Variants in RBFOX1 observed in about 807,000 individuals in gnomAD.
The protein encoded by RBFOX1 is RNA binding protein fox-1 homolog 1.
Under a neutral mutation model 57.7 loss-of-function variants are expected in RBFOX1, and 8 were observed. The ratio of observed to expected loss-of-function variants is 0.14; its 90% CI spans 0.08 to 0.25. RBFOX1 has a LOEUF of 0.25. Ranked by LOEUF, RBFOX1 falls within the 10% of genes least tolerant of loss-of-function variation. The pLI, the probability that RBFOX1 is intolerant of heterozygous loss-of-function variation, is 1.00. For missense variants in RBFOX1, 611 were observed against 548.5 expected (o/e 1.11, Z -1.14); for synonymous variants, 326 against 222.4 (o/e 1.47, Z -4.15).
chr16:5,430,536 C>G (rs546731326), intron 1 of RBFOX1, among the ~76,000 whole-genome samples: 1 of 152,098 alleles, frequency 6.6e-6, no homozygotes. Flanking sequence ...GAGCATCTTG[C>G]GGCGAGCAAG....
intron 4 of RBFOX1, among the ~76,000 whole-genome samples, chr16:7,399,577 C>G (rs2098203387): frequency 6.6e-6 from 1 of 152,222 alleles, no homozygotes; most frequent in Non-Finnish European, 1.5e-5. Flanking sequence ...CTGGTGGTGT[C>G]TGTCAATACC....
chr16:7,137,076 A>T (rs1227545514), intron 4 of RBFOX1, among the ~76,000 whole-genome samples: 1 of 152,204 alleles, frequency 6.6e-6, no homozygotes, highest in African/African-American at 2.4e-5. Flanking sequence ...TTTCTATTCT[A>T]TAAAGGAGAA....
intron 4 of RBFOX1, among the ~76,000 whole-genome samples, chr16:7,325,830 A>C (rs1055813735): frequency 2.6e-5 from 4 of 152,094 alleles, no homozygotes; most frequent in African/African-American, 9.7e-5. Flanking sequence ...TGGTATTCTA[A>C]ATATTATGTA....
chr16:6,342,149 G>A (rs796409737), intron 2 of RBFOX1, among the ~76,000 whole-genome samples: 24 of 152,150 alleles, frequency 1.6e-4, no homozygotes, highest in African/African-American at 5.3e-4. Context: ...GGGAGTGATG[G>A]TGGTCAATTT....
intron 3 of RBFOX1, among the ~76,000 whole-genome samples, chr16:6,889,019 C>T (rs1567729191): frequency 6.6e-6 from 1 of 152,176 alleles, no homozygotes; most frequent in Non-Finnish European, 1.5e-5. Flanking sequence ...GCAAATAAGT[C>T]TTCAGGGAAT....
chr16:6,889,732 T>C (rs1246686869), intron 3 of RBFOX1, among the ~76,000 whole-genome samples: 2 of 152,202 alleles, frequency 1.3e-5, no homozygotes, highest in Non-Finnish European at 2.9e-5. Flanking sequence ...TTGGTTTGTG[T>C]AATCTTGGAA....
At chr16:6,651,940 T>C (rs896739031) in intron 2 of RBFOX1, among the ~76,000 whole-genome samples, 2 of 152,172 alleles carry the variant, frequency 1.3e-5, no homozygotes, top group African/African-American at 4.8e-5. Context: ...TTGAAGACAT[T>C]ATGCTAAGTG....
intron 2 of RBFOX1, among the ~76,000 whole-genome samples, chr16:5,595,154 C>CA (rs2047141746): frequency 1.3e-5 from 2 of 151,676 alleles, no homozygotes; most frequent in Non-Finnish European, 1.5e-5. Flanking sequence ...TCAAAAACCA[C>CA]AAAAAAACCA....
At chr16:6,658,185 G>T (rs566167502) in intron 3 of RBFOX1, among the ~76,000 whole-genome samples, 1 of 151,832 alleles carries the variant, frequency 6.6e-6, no homozygotes, top group African/African-American at 2.4e-5. Context: ...CTGAATCTTA[G>T]ACCACATATC....
intron 3 of RBFOX1, among the ~76,000 whole-genome samples, chr16:5,675,314 C>T (rs1390553626): frequency 1.2e-4 from 19 of 152,108 alleles, no homozygotes; most frequent in Admixed American, 1.2e-3. Flanking sequence ...GATGAACCAG[C>T]CCAGGAAGCT....
chr16:5,500,152 T>TTCCCTCCTTCCCTC (rs2043140584), intron 2 of RBFOX1, among the ~76,000 whole-genome samples: 1 of 103,544 alleles, frequency 9.7e-6, no homozygotes, highest in African/African-American at 6.1e-5. Context: ...CTCCTTCCCT[T>TTCCCTCCTTCCCTC]CCTCCCCTCC....
chr16:6,632,674 G>A (rs897690562), intron 2 of RBFOX1, among the ~76,000 whole-genome samples: 1 of 152,196 alleles, frequency 6.6e-6, no homozygotes, highest in African/African-American at 2.4e-5. Context: ...CTGATATCCG[G>A]CGAAGGCCTT....
intron 4 of RBFOX1, among the ~76,000 whole-genome samples, chr16:7,226,637 A>G (rs998407078): frequency 5.3e-5 from 8 of 152,222 alleles, no homozygotes; most frequent in African/African-American, 1.9e-4. Context: ...CAAGTTTTAT[A>G]TTCAAACAAC....
intron 2 of RBFOX1, among the ~76,000 whole-genome samples, chr16:5,481,236 C>T (rs1048656901): frequency 6.6e-6 from 1 of 152,188 alleles, no homozygotes; most frequent in Non-Finnish European, 1.5e-5. Context: ...TAATCCAAGG[C>T]AGGACTGGGG....
chr16:6,172,201 C>G (rs186642050), intron 1 of RBFOX1, among the ~76,000 whole-genome samples: 103 of 152,204 alleles, frequency 6.8e-4, no homozygotes, highest in African/African-American at 2.3e-3. Flanking sequence ...GCCTTGCAGC[C>G]AAGTGTGTCA....
intron 2 of RBFOX1, among the ~76,000 whole-genome samples, chr16:5,536,335 A>G (rs544351457): frequency 3.3e-5 from 5 of 149,766 alleles, no homozygotes; most frequent in Admixed American, 1.3e-4. Context: ...GCTGGGTTCA[A>G]GCGATTCTCC....
At chr16:5,557,956 A>C (rs2045742017) in intron 2 of RBFOX1, among the ~76,000 whole-genome samples, 2 of 152,136 alleles carry the variant, frequency 1.3e-5, no homozygotes, top group East Asian at 3.9e-4. Flanking sequence ...AGAGAAGAGT[A>C]AGCATGTCTG....
At chr16:7,613,178 T>G (rs7202054) in intron 10 of RBFOX1, among the ~76,000 whole-genome samples, 2 of 152,016 alleles carry the variant, frequency 1.3e-5, no homozygotes, top group Non-Finnish European at 2.9e-5. Context: ...CCTAGGGATA[T>G]TTATTATTAG....
At chr16:5,257,153 G>GAAAC (rs35816252) in intron 1 of RBFOX1, among the ~76,000 whole-genome samples, 56 of 151,262 alleles carry the variant, frequency 3.7e-4, no homozygotes, top group Middle Eastern at 6.9e-3. Flanking sequence ...AAAAAACCAA[G>GAAAC]AAACAAACAA....
Sources: gnomAD v4.1 joint callset for allele counts (sites outside exome capture counted in the v4.1 genomes callset) on GRCh38, gnomAD v4.1.1 for gene constraint, MANE v1.5 for transcripts, NCBI Gene and HGNC (gene_info 2026-07-23, HGNC 2026-07-21) for gene names.